The following MAST3 variants were observed in gnomAD, a reference collection of about 807,000 sequenced individuals.
MAST3 encodes the protein microtubule associated serine/threonine kinase 3.
Under a neutral mutation model 127.0 loss-of-function variants are expected in MAST3, and 43 were observed. That is an observed-to-expected ratio of 0.34 (90% CI 0.27 to 0.44). MAST3 has a LOEUF of 0.44. Ranked by LOEUF, MAST3 falls within the 20% of genes least tolerant of loss-of-function variation. The pLI, the probability that MAST3 is intolerant of heterozygous loss-of-function variation, is 1.00. For missense variants in MAST3, 1,390 were observed against 1,919.1 expected (o/e 0.72, Z 5.15); for synonymous variants, 785 against 809.2 (o/e 0.97, Z 0.51).
At chr19:18,123,841 CA>C in intron 8 of MAST3, 97 bp from the exon 9 acceptor site, 1 of 1,212,160 alleles carries the variant, frequency 8.2e-7, no homozygotes, top group Admixed American at 2.1e-5. Context: ...CCCATTGCCC[CA>C]TCTCCTCTCT....
chr19:18,143,971 GCCA>G lies in MAST3; in HGVS notation c.2551_2553del (p.Thr851del). ...AGGGGAGCCTGACCCCCCACCAGCGGCCACCCCAGTGATGCCCAAGCCCTCGAG... is the reference window on the plus strand; with the variant it reads ...AGGGGAGCCTGACCCCCCACCAGCGGCCCCAGTGATGCCCAAGCCCTCGAG... On this transcript the variant is annotated inframe_deletion, in exon 22 of 28. Coordinates refer to ENST00000687212, the MANE Select transcript of MAST3 (RefSeq NM_001393504.1). The G allele has an allele frequency of 6.3e-7, 1 of 1,591,018 alleles. No homozygotes were observed. The highest frequency in any genetic ancestry group is 8.6e-7 in the Non-Finnish European group (1 of 1,168,808).
intron 11 of MAST3, among the ~76,000 whole-genome samples, chr19:18,128,188 C>A (rs2040870630): frequency 6.6e-6 from 1 of 152,218 alleles, no homozygotes; most frequent in Non-Finnish European, 1.5e-5. Flanking sequence ...CACTTCAGAG[C>A]CAGGGCAGCC....
rs1227837253 is a variant in MAST3, at chr19:18,147,635, C to T, written c.3508+11C>T. 1 of 1,520,120 alleles carries T rather than the reference C, an allele frequency of 6.6e-7. No homozygotes were observed. 94.2% of individuals were successfully genotyped at this position (1,520,120 alleles called of 1,614,324 possible). ...CTGATGTCCCAGCAGGTGGGTGCAC[C>T]CCGACCCCCCACCACCCCGGCTACC... is the stretch of plus-strand genomic sequence containing the variant. On this transcript the variant is annotated intron_variant, in intron 27 of 27. Transcript: ENST00000687212.
Position 18,144,815 on chromosome 19 carries a change from C to A in MAST3, c.2812+122C>A. 1 of 1,112,176 alleles carries A rather than the reference C, an allele frequency of 9.0e-7. No individual in the cohort carries two copies. Among genetic ancestry groups the A allele is most frequent in the Non-Finnish European group, 1.3e-6 (1 of 753,870 alleles). 68.9% of individuals were successfully genotyped at this position (1,112,176 alleles called of 1,614,324 possible). A position where few individuals can be genotyped will look rare whatever the true frequency, so the allele number is the denominator to read the frequency against. ...CCAGAAGAGGGGAGGAGGAGTAGGA[C>A]ACATGGAGAGCTGGGGAGATGGTGT... On this transcript the variant is annotated intron_variant, in intron 23 of 27. Coordinates refer to ENST00000687212, the MANE Select transcript of MAST3 (RefSeq NM_001393504.1). The surrounding 1 kb of genome is among the most constrained non-coding windows in gnomAD (Gnocchi z 4.0).
intron 21 of MAST3, among the ~76,000 whole-genome samples, chr19:18,143,201 C>T (rs1241630157): frequency 6.6e-6 from 1 of 151,986 alleles, no homozygotes; most frequent in East Asian, 1.9e-4. Flanking sequence ...TGGCCTCAAA[C>T]AATCCTCCTG....
At chr19:18,143,622 G>C in intron 21 of MAST3, 141 bp from the exon 22 acceptor site, 1 of 1,028,674 alleles carries the variant, frequency 9.7e-7, no homozygotes, top group South Asian at 1.6e-5. Flanking sequence ...AGAGAGGACA[G>C]TGCAGACAGA....
chr19:18,111,220 C>T (rs1394002998), intron 3 of MAST3, among the ~76,000 whole-genome samples: 1 of 152,070 alleles, frequency 6.6e-6, no homozygotes, highest in African/African-American at 2.4e-5. Context: ...CTTTCCTGAT[C>T]CCTACTTCCC....
intron 1 of MAST3, among the ~76,000 whole-genome samples, chr19:18,104,069 G>A (rs760693025): frequency 8.6e-5 from 13 of 151,314 alleles, no homozygotes; most frequent in Non-Finnish European, 1.8e-4. Flanking sequence ...AAAATTAGCC[G>A]GGTGTGGTGG....
Position 18,144,964 on chromosome 19 carries a change from T to C in MAST3, c.2813-39T>C. 1 of 1,136,254 alleles carries C rather than the reference T, an allele frequency of 8.8e-7. No homozygotes were observed. The allele number at this position is 1,136,254 out of a possible 1,614,324, so 70.4% of individuals were successfully genotyped here. A position where few individuals can be genotyped will look rare whatever the true frequency, so the allele number is the denominator to read the frequency against. The stretch of plus-strand genomic sequence containing the variant: ...GAAAGAGGGGGCCCCAGGGGAGACC[T>C]GTGAGGGAGTGAGTGACCCCCTCCC... On this transcript the variant is annotated intron_variant, in intron 23 of 27. Coordinates refer to ENST00000687212, the MANE Select transcript of MAST3 (RefSeq NM_001393504.1). This position sits in a 1 kb window ranked among gnomAD's most constrained non-coding sequence, Gnocchi z 4.0.
intron 18 of MAST3, among the ~76,000 whole-genome samples, chr19:18,136,949 G>C: frequency 6.6e-6 from 1 of 152,112 alleles, no homozygotes; most frequent in East Asian, 1.9e-4. Flanking sequence ...AGCCTCCCGA[G>C]TAGCTGGGAA....
rs529107092 is a variant in MAST3, at chr19:18,147,064, A to G, written c.3326+20A>G. On this transcript the variant is annotated intron_variant, in intron 26 of 27. Coordinates refer to ENST00000687212, the MANE Select transcript of MAST3 (RefSeq NM_001393504.1). ...GGAGCGGTACACAGGGGGCGGGGCC[A>G]CGGGGACTGGGGTTCTTTTTTTCTT... is the stretch of plus-strand genomic sequence containing the variant. The G allele has an allele frequency of 1.9e-5, 28 of 1,456,332 alleles. No homozygotes were observed. The highest frequency in any genetic ancestry group is 1.3e-4 in the South Asian group (10 of 75,710). 90.2% of individuals were successfully genotyped at this position (1,456,332 alleles called of 1,614,324 possible).
intron 2 of MAST3, 25 bp downstream of exon 2, chr19:18,107,643 C>A: frequency 6.2e-7 from 1 of 1,609,482 alleles, no homozygotes; most frequent in East Asian, 2.2e-5. Context: ...GACTGGCGGG[C>A]TGGGTGGGCC....
intron 3 of MAST3, chr19:18,118,367 C>A: frequency 1.7e-6 from 1 of 577,374 alleles, no homozygotes; most frequent in South Asian, 7.6e-5. Flanking sequence ...TCTGTGGCAG[C>A]AGTGGGAAGG....
At chr19:18,105,889 G>A (rs1335049538) in intron 1 of MAST3, among the ~76,000 whole-genome samples, 6 of 152,006 alleles carry the variant, frequency 3.9e-5, no homozygotes, top group African/African-American at 9.7e-5. Context: ...CTGGTACCCA[G>A]GGCCCAAACC....
At chr19:18,098,689 G>A in intron 1 of MAST3, 1 of 456,480 alleles carries the variant, frequency 2.2e-6, no homozygotes, top group Non-Finnish European at 4.4e-6. Flanking sequence ...TTTCCTCTGG[G>A]ACTTAGACCA....
chr19:18,114,720 G>A (rs996081263), intron 3 of MAST3, among the ~76,000 whole-genome samples: 7 of 152,102 alleles, frequency 4.6e-5, no homozygotes, highest in Non-Finnish European at 5.9e-5. Context: ...GGGGGTTGGG[G>A]GTGTTGTTGA....
At chr19:18,123,883 CGT>C in intron 8 of MAST3, 54 bp from the exon 9 acceptor site, 4 of 1,468,636 alleles carry the variant, frequency 2.7e-6, no homozygotes, top group Non-Finnish European at 3.7e-6. Context: ...CCCCATTCTG[CGT>C]GTGTCACTCC....
intron 20 of MAST3, among the ~76,000 whole-genome samples, chr19:18,140,640 C>T (rs1482898695): frequency 1.3e-5 from 2 of 152,182 alleles, no homozygotes. Context: ...ACTCAAGGCT[C>T]ATCCCTACTG....
chr19:18,122,204 C>G (rs960485483), intron 5 of MAST3: 4 of 834,720 alleles, frequency 4.8e-6, no homozygotes, highest in Non-Finnish European at 5.8e-6. Flanking sequence ...CTAAAGAAAT[C>G]ATTCATTCAT....
Sources: gnomAD v4.1 joint callset for allele counts (sites outside exome capture counted in the v4.1 genomes callset) on GRCh38, gnomAD v4.1.1 for gene constraint, Gnocchi (gnomAD v3.1) non-coding constraint, MANE v1.5 for transcripts, NCBI Gene and HGNC (gene_info 2026-07-23, HGNC 2026-07-21) for gene names.